The following COL22A1 variants were observed in gnomAD, a reference collection of about 807,000 sequenced individuals.
COL22A1 encodes collagen type XXII alpha 1 chain.
In COL22A1, 221 loss-of-function variants were observed where a neutral mutation model predicts 248.9. The observed-to-expected ratio is 0.89, with a 90% confidence interval of 0.80 to 0.99. The LOEUF (loss-of-function observed/expected upper bound fraction) is 0.99, where lower values mean the gene tolerates loss of function less well. Ranked by LOEUF, COL22A1 falls within the 50% of genes least tolerant of loss-of-function variation. The pLI, the probability that COL22A1 is intolerant of heterozygous loss-of-function variation, is 0.00. For missense variants in COL22A1, 2,240 were observed against 2,179.0 expected (o/e 1.03, Z -0.56); for synonymous variants, 891 against 793.4 (o/e 1.12, Z -2.07).
In COL22A1 at chr8:138,619,462, C is replaced by T. The variant is rs758876486; in HGVS notation, c.3818G>A (p.Gly1273Asp). The change falls in exon 53 of 65, where the codon GGC (glycine) becomes GAC (aspartate). Residue 1273 changes from glycine to aspartate, a missense_variant. Transcript: ENST00000303045. ...CACACACTACACACTTACAGGTGGG[C>T]CTCGGGCACCCTCTGGTCCTGGTAG... Reference protein sequence around the residue: ...PGLPGPEGARGPPGFKGHTGD... With the variant: ...PGLPGPEGARDPPGFKGHTGD... The T allele has an allele frequency of 6.2e-7, 1 of 1,614,046 alleles. No individual in the cohort carries two copies. Among genetic ancestry groups the T allele is most frequent in the South Asian group, 1.1e-5 (1 of 91,078 alleles).
At chr8:138,677,875 C>T (rs1368922739) in intron 40 of COL22A1, among the ~76,000 whole-genome samples, 1 of 152,168 alleles carries the variant, frequency 6.6e-6, no homozygotes, top group Non-Finnish European at 1.5e-5. Flanking sequence ...TTGCTCAAGC[C>T]ACTTAATACC....
intron 18 of COL22A1, 53 bp downstream of exon 18, chr8:138,760,190 C>A: frequency 6.8e-7 from 1 of 1,477,298 alleles, no homozygotes; most frequent in Non-Finnish European, 9.1e-7. Context: ...CGGGCAGTCC[C>A]CGCACCTGCC....
intron 10 of COL22A1, among the ~76,000 whole-genome samples, chr8:138,805,872 GTGTT>G (rs1320551165): frequency 3.4e-5 from 5 of 149,098 alleles, no homozygotes; most frequent in East Asian, 4.0e-4. Context: ...GTGAGATGGT[GTGTT>G]TGTGTGTGAT....
At chr8:138,863,637 C>T (rs772955237) in intron 3 of COL22A1, among the ~76,000 whole-genome samples, 6 of 152,136 alleles carry the variant, frequency 3.9e-5, no homozygotes, top group South Asian at 2.1e-4. Flanking sequence ...GAACGCAACG[C>T]GGAAGTGGGT....
At chr8:138,655,597 G>C (rs1384316151) in intron 45 of COL22A1, among the ~76,000 whole-genome samples, 1 of 152,078 alleles carries the variant, frequency 6.6e-6, no homozygotes, top group Non-Finnish European at 1.5e-5. Context: ...AAACTCCTGG[G>C]CTCAGGGCTT....
intron 39 of COL22A1, among the ~76,000 whole-genome samples, chr8:138,682,943 C>T (rs1005596581): frequency 8.5e-5 from 13 of 152,214 alleles, no homozygotes; most frequent in Non-Finnish European, 1.8e-4. Context: ...TCATGATCCA[C>T]CCGCCTTGGC....
At chr8:138,755,910 T>A in intron 18 of COL22A1, 81 bp from the exon 19 acceptor site, 1 of 1,270,504 alleles carries the variant, frequency 7.9e-7, no homozygotes, top group Non-Finnish European at 1.1e-6. Flanking sequence ...GGCTTATTCT[T>A]GTGGGCCCAG....
intron 8 of COL22A1, among the ~76,000 whole-genome samples, chr8:138,812,565 T>A (rs548472570): frequency 3.3e-4 from 50 of 152,254 alleles, no homozygotes; most frequent in African/African-American, 1.2e-3. Flanking sequence ...ATCCATGTCC[T>A]GACCTCCCTG....
At chr8:138,842,990 G>A (rs564257224) in intron 4 of COL22A1, among the ~76,000 whole-genome samples, 1 of 152,280 alleles carries the variant, frequency 6.6e-6, no homozygotes, top group East Asian at 1.9e-4. Flanking sequence ...TACCCTGGTG[G>A]ATGACTGCCC....
In COL22A1 at chr8:138,722,143, C is replaced by T. The variant is rs1221966956; in HGVS notation, c.2248-54G>A. On this transcript the variant is annotated intron_variant, in intron 25 of 64. Coordinates refer to ENST00000303045, the MANE Select transcript of COL22A1 (RefSeq NM_152888.3). ...AAAGGAAAGGCATATTTAGGAAAGG[C>T]TTACATTAAGTTGTTTCAAACCAGG... The T allele has an allele frequency of 4.1e-6, 6 of 1,463,414 alleles. No homozygotes were observed. The South Asian group carries it at 7.7e-5, about 19-fold the overall frequency. 90.7% of individuals were successfully genotyped at this position (1,463,414 alleles called of 1,614,324 possible). A position where few individuals can be genotyped will look rare whatever the true frequency, so the allele number is the denominator to read the frequency against.
intron 63 of COL22A1, among the ~76,000 whole-genome samples, chr8:138,592,345 G>A (rs1817139791): frequency 6.6e-6 from 1 of 152,146 alleles, no homozygotes; most frequent in Non-Finnish European, 1.5e-5. Context: ...TCTGCTGCAT[G>A]CAGTGTATTT....
At chr8:138,668,104 A>C (rs564567678) in intron 41 of COL22A1, among the ~76,000 whole-genome samples, 1 of 152,334 alleles carries the variant, frequency 6.6e-6, no homozygotes, top group African/African-American at 2.4e-5. Flanking sequence ...AAATAATTAG[A>C]AATTTTAACA....
intron 3 of COL22A1, among the ~76,000 whole-genome samples, chr8:138,876,419 T>C (rs1162241590): frequency 2.6e-5 from 4 of 152,236 alleles, no homozygotes. Context: ...TATGTGGCTT[T>C]CCTGCCTTCT....
chr8:138,662,089 G>T lies in COL22A1; in HGVS notation c.3187-6C>A, dbSNP rs781725228. On this transcript the variant is annotated splice_polypyrimidine_tract_variant and splice_region_variant and intron_variant, in intron 42 of 64. Coordinates refer to ENST00000303045, the MANE Select transcript of COL22A1 (RefSeq NM_152888.3). ...CCAGGTAAGCCTCGTGATCCCTGAA[G>T]AAAAAGAAAAGAAGACACTGACACC... 10 of 1,611,378 alleles carry T rather than the reference G, an allele frequency of 6.2e-6. No homozygotes were observed. The highest frequency in any genetic ancestry group is 8.5e-6 in the Non-Finnish European group (10 of 1,178,750).
At chr8:138,819,279 T>C (rs1017406318) in intron 7 of COL22A1, among the ~76,000 whole-genome samples, 1 of 152,166 alleles carries the variant, frequency 6.6e-6, no homozygotes, top group African/African-American at 2.4e-5. Flanking sequence ...GCAGCATGTA[T>C]AACAAATAAG....
At chr8:138,864,308 G>C (rs1822704494) in intron 3 of COL22A1, among the ~76,000 whole-genome samples, 1 of 152,014 alleles carries the variant, frequency 6.6e-6, no homozygotes, top group South Asian at 2.1e-4. Flanking sequence ...GCAGCTGTCT[G>C]TCAGGTTTGT....
At chr8:138,725,357 G>A (rs375572786) in intron 24 of COL22A1, 30 bp downstream of exon 24, 2 of 1,610,794 alleles carry the variant, frequency 1.2e-6, no homozygotes, top group Non-Finnish European at 1.7e-6. Context: ...CCATCTAAGA[G>A]CCCCTGTAGA....
At position 138,657,596 on chromosome 8, in the gene COL22A1, A is replaced by C. The variant is rs150673339; in HGVS notation, c.3286-1652T>G. Among the ~76,000 whole-genome samples, 518 of 152,338 alleles carry C rather than the reference A, an allele frequency of 3.4e-3. 3 individuals carry two copies. The highest frequency in any genetic ancestry group is 0.031 in the Middle Eastern group (9 of 294). On this transcript the variant is annotated intron_variant, in intron 44 of 64. Transcript: ENST00000303045. Reference sequence around the variant, plus strand: ...GTAAACCTCACAAGTCTCAAAAGACACACAGGACCAGCATGTGGATGGAGG... The same window carrying C: ...GTAAACCTCACAAGTCTCAAAAGACCCACAGGACCAGCATGTGGATGGAGG...
intron 12 of COL22A1, among the ~76,000 whole-genome samples, chr8:138,792,875 C>T (rs566906038): frequency 1.5e-3 from 222 of 152,310 alleles, no homozygotes; most frequent in Admixed American, 2.7e-3. Flanking sequence ...ATTTTAGTAA[C>T]AATCAGTGAT....
Sources: gnomAD v4.1 joint callset for allele counts (sites outside exome capture counted in the v4.1 genomes callset) on GRCh38, gnomAD v4.1.1 for gene constraint, MANE v1.5 for transcripts, NCBI Gene and HGNC (gene_info 2026-07-23, HGNC 2026-07-21) for gene names.